The following NINL variants were observed in gnomAD, a reference collection of about 807,000 sequenced individuals.
NINL encodes ninein like.
A neutral mutation model predicts 160.3 loss-of-function variants in NINL; 153 were observed. The observed-to-expected ratio is 0.95, with a 90% CI of 0.84 to 1.09. The LOEUF (loss-of-function observed/expected upper bound fraction) is 1.09, where lower values mean the gene tolerates loss of function less well. Among genes scored for constraint, NINL ranks in the 50% least tolerant of loss-of-function variants. The pLI is 0.00. For missense variants in NINL, 1,829 were observed against 1,764.0 expected (o/e 1.04, Z -0.66); for synonymous variants, 800 against 734.8 (o/e 1.09, Z -1.43).
intron 3 of NINL, among the ~76,000 whole-genome samples, chr20:25,516,959 C>T (rs1278911602): frequency 1.3e-5 from 2 of 152,146 alleles, no homozygotes; most frequent in African/African-American, 2.4e-5. Flanking sequence ...TCTCTTCTCA[C>T]CTGGGGCCTC....
chr20:25,512,777 G>A, intron 4 of NINL, 57 bp downstream of exon 4: 2 of 1,528,622 alleles, frequency 1.3e-6, no homozygotes, highest in Admixed American at 4.1e-5. Flanking sequence ...GGGATGAAGG[G>A]AAGCATTTGT....
rs376364681 is a variant in NINL, at chr20:25,513,092, C to T, written c.278-86G>A. ...CCAGCAGGTACCCTCTGAGAAGGTG[C>T]ACACTCAGCACCGAGTGTGCCCCTC... On this transcript the variant is annotated intron_variant, in intron 3 of 23. Transcript: ENST00000278886. The T allele has an allele frequency of 1.8e-5, 24 of 1,353,080 alleles. No individual in the cohort carries two copies. In the African/African-American group the frequency reaches 3.2e-4, roughly 18 times the overall value. The allele number at this position is 1,353,080 out of a possible 1,614,324, so 83.8% of individuals were successfully genotyped here.
Position 25,491,537 on chromosome 20 carries a change from C to G in NINL, c.1311-12G>C, listed in dbSNP as rs1387155757. 1 of 1,611,686 alleles carries G rather than the reference C, an allele frequency of 6.2e-7. No homozygotes were observed. Among genetic ancestry groups the G allele is most frequent in the Admixed American group, 1.7e-5 (1 of 59,926 alleles). On this transcript the variant is annotated splice_polypyrimidine_tract_variant and intron_variant, in intron 10 of 23. Coordinates refer to ENST00000278886, the MANE Select transcript of NINL (RefSeq NM_025176.6). The stretch of plus-strand genomic sequence containing the variant: ...CCTGCTCCAGATGCCTGTAACATGT[C>G]ACACATCACACGTCAGACATGTCAT...
chr20:25,502,928 C>G (rs2063896024), intron 7 of NINL, among the ~76,000 whole-genome samples: 1 of 152,250 alleles, frequency 6.6e-6, no homozygotes, highest in South Asian at 2.1e-4. Context: ...TGCCCAGTCT[C>G]AAGTATTCCT....
intron 1 of NINL, among the ~76,000 whole-genome samples, chr20:25,584,019 C>T (rs1215264080): frequency 6.6e-6 from 1 of 152,062 alleles, no homozygotes; most frequent in African/African-American, 2.4e-5. Flanking sequence ...AGCATTAGGA[C>T]AAATACCTAA....
chr20:25,517,068 T>C (rs2064173222), intron 3 of NINL, among the ~76,000 whole-genome samples: 1 of 152,202 alleles, frequency 6.6e-6, no homozygotes, highest in African/African-American at 2.4e-5. Flanking sequence ...CTCAATGCCA[T>C]ACGCTCACAC....
In NINL at chr20:25,517,852, G is replaced by A; in HGVS notation, c.181-3C>T. 1 of 1,590,978 alleles carries A rather than the reference G, an allele frequency of 6.3e-7. No individual in the cohort carries two copies. The highest frequency in any genetic ancestry group is 1.4e-5 in the African/African-American group (1 of 73,672). ...TCCTTAAATTCCTCAAAGTTAACCT[G>A]GGTGAATTGAAGGTGAGAGAGGACA... On this transcript the variant is annotated splice_polypyrimidine_tract_variant and splice_region_variant and intron_variant, in intron 2 of 23. Transcript: ENST00000278886.
intron 7 of NINL, 74 bp from the exon 8 acceptor site, chr20:25,501,084 A>C (rs1601162808): frequency 6.6e-7 from 1 of 1,515,082 alleles, no homozygotes. Context: ...TGTGCTCTCC[A>C]CCCTCCCCAG....
At chr20:25,473,657 G>A (rs558567344) in intron 17 of NINL, among the ~76,000 whole-genome samples, 1 of 147,556 alleles carries the variant, frequency 6.8e-6, no homozygotes, top group African/African-American at 2.5e-5. Flanking sequence ...AACCCCGTCT[G>A]TAGTAAAAAT....
At chr20:25,524,837 A>G (rs1044875633) in intron 2 of NINL, among the ~76,000 whole-genome samples, 15 of 151,896 alleles carry the variant, frequency 9.9e-5, no homozygotes, top group African/African-American at 3.1e-4. Context: ...TGAATTTTCC[A>G]AAGTTTGATT....
At chr20:25,526,264 A>C in intron 2 of NINL, 144 bp downstream of exon 2, 1 of 723,676 alleles carries the variant, frequency 1.4e-6, no homozygotes. Flanking sequence ...ATTTCCATAG[A>C]GGGAAAAACT....
At chr20:25,455,296 G>A (rs930733103) in intron 23 of NINL, among the ~76,000 whole-genome samples, 2 of 152,088 alleles carry the variant, frequency 1.3e-5, no homozygotes, top group African/African-American at 2.4e-5. Flanking sequence ...ATCATGGCCC[G>A]AGGTCATGTA....
In NINL at chr20:25,476,897, C is replaced by T. The variant is rs1424009549; in HGVS notation, c.2394G>A (p.Met798Ile). 6 of 1,613,106 alleles carry T rather than the reference C, an allele frequency of 3.7e-6. No homozygotes were observed. In the Admixed American group the frequency reaches 6.7e-5, roughly 18 times the overall value. Residue 798 changes from methionine (M) to isoleucine (I), a missense_variant, in exon 17 of 24, where the codon ATG (methionine) becomes ATA (isoleucine). Coordinates refer to ENST00000278886, the MANE Select transcript of NINL (RefSeq NM_025176.6). ...QPCASEKRAQ[M>I]CVSLALEEEE... ...CCTCCTCGAGGGCCAACGATACGCA[C>T]ATCTGGGCGCGCTTCTCGCTCGCAC...
At position 25,512,960 on chromosome 20, in the gene NINL, C is replaced by T. The variant is rs1340133365; in HGVS notation, c.324G>A (p.Trp108Ter). Residue 108 changes from tryptophan (W) to a stop codon, truncating the protein, a stop_gained, in exon 4 of 24, where the codon TGG becomes TGA. Coordinates refer to ENST00000278886, the MANE Select transcript of NINL (RefSeq NM_025176.6). LOFTEE classifies it high-confidence loss of function. ...GCTCAGGCCGGCTCCGACGGCCATA[C>T]CACTTAGAACCATTCACATACTTTG... ...IPPKYVNGSK[W>*]YGRRSRPELC... is the part of the protein sequence containing the mutation. 1.4e-5 allele frequency: 23 copies of T among 1,612,182 alleles called. No homozygotes were observed. Among genetic ancestry groups the T allele is most frequent in the Non-Finnish European group, 1.9e-5 (22 of 1,178,856 alleles).
At position 25,526,433 on chromosome 20, in the gene NINL, A is replaced by C. The variant is rs767263638; in HGVS notation, c.155T>G (p.Leu52Arg). Residue 52 changes from leucine (L) to arginine (R), a missense_variant, in exon 2 of 24, where the codon CTT becomes CGT. Leu to Arg is a moderately radical substitution (Grantham distance 102). Transcript: ENST00000278886. The part of the protein sequence containing the change: ...EQQLPVLLQT[L>R]LGNDHFARVN... Reference sequence around the variant, plus strand: ...CCTGGCGAAATGGTCGTTTCCGAGAAGCGTCTGCAGGAGGACGGGCAGCTG... The same window carrying C: ...CCTGGCGAAATGGTCGTTTCCGAGACGCGTCTGCAGGAGGACGGGCAGCTG... 6.2e-7 allele frequency: 1 copy of C among 1,612,868 alleles called. No individual in the cohort carries two copies. Among genetic ancestry groups the C allele is most frequent in the Non-Finnish European group, 8.5e-7 (1 of 1,178,994 alleles).
chr20:25,499,436 A>G (rs1156880757), intron 8 of NINL, among the ~76,000 whole-genome samples: 1 of 152,172 alleles, frequency 6.6e-6, no homozygotes, highest in African/African-American at 2.4e-5. Context: ...AAGTTCTGAA[A>G]GGGCAGAGGC....
intron 1 of NINL, among the ~76,000 whole-genome samples, chr20:25,548,860 C>A (rs569720278): frequency 6.8e-6 from 1 of 147,690 alleles, no homozygotes; most frequent in Admixed American, 6.7e-5. Context: ...CCAGGGCTGA[C>A]CCCAGCACCC....
In NINL at chr20:25,561,748, G is replaced by A. The variant is rs979454628; in HGVS notation, c.-12+23707C>T. Among the ~76,000 whole-genome samples, 31 of 149,212 alleles carry A rather than the reference G, an allele frequency of 2.1e-4. 1 individual carries two copies. Among genetic ancestry groups the A allele is most frequent in the Non-Finnish European group, 2.7e-4 (18 of 67,378 alleles). On this transcript the variant is annotated intron_variant, in intron 1 of 23. Transcript: ENST00000278886. Reference sequence around the variant, plus strand: ...CGACCCCGTCTGGGAGGTTAGGAGCGTCTCTGCCCAGCCGCCCCGTCTGAG... The same window carrying A: ...CGACCCCGTCTGGGAGGTTAGGAGCATCTCTGCCCAGCCGCCCCGTCTGAG...
In NINL at chr20:25,512,903, C is replaced by T; in HGVS notation, c.381G>A (p.Val127=). ...GGCTGGCCTGGGTTTGCTGCTCCGG[C>T]ACGCGTCTGGCTTCTGTGGCAGCGT... The part of the protein sequence containing the change: ...LCDAATEARR[V]PEQQTQASLK... The change falls in exon 4 of 24, where the codon GTG becomes GTA. Residue 127 remains valine (V), a synonymous_variant. Coordinates refer to ENST00000278886, the MANE Select transcript of NINL (RefSeq NM_025176.6). 1 of 1,614,202 alleles carries T rather than the reference C, an allele frequency of 6.2e-7. No individual in the cohort carries two copies. The highest frequency in any genetic ancestry group is 8.5e-7 in the Non-Finnish European group (1 of 1,180,040).
Sources: gnomAD v4.1 joint callset for allele counts (sites outside exome capture counted in the v4.1 genomes callset) on GRCh38, gnomAD v4.1.1 for gene constraint, MANE v1.5 for transcripts, NCBI Gene and HGNC (gene_info 2026-07-23, HGNC 2026-07-21) for gene names.